Variants in GRID1 observed in about 807,000 individuals in gnomAD.
GRID1 encodes glutamate ionotropic receptor delta type subunit 1.
A neutral mutation model predicts 98.0 loss-of-function variants in GRID1; 28 were observed. That is an observed-to-expected ratio of 0.29 (90% CI 0.21 to 0.39). The LOEUF (loss-of-function observed/expected upper bound fraction) is 0.39, where lower values mean the gene tolerates loss of function less well. Among genes scored for constraint, GRID1 ranks in the 10% least tolerant of loss-of-function variants. The pLI is 1.00. For synonymous variants in GRID1, 553 were observed against 538.5 expected, an observed-to-expected ratio of 1.03 and a Z score of -0.37; for missense variants, 1,111 against 1,340.5, an observed-to-expected ratio of 0.83 and a Z score of 2.67.
chr10:85,881,967 A>G (rs1467681105), intron 5 of GRID1, among the ~76,000 whole-genome samples: 1 of 152,254 alleles, frequency 6.6e-6, no homozygotes, highest in African/African-American at 2.4e-5. Context: ...GGCAAAGGAT[A>G]TGAACAGACA....
At chr10:85,926,608 T>G (rs1266300817) in intron 4 of GRID1, among the ~76,000 whole-genome samples, 1 of 152,132 alleles carries the variant, frequency 6.6e-6, no homozygotes, top group African/African-American at 2.4e-5. Context: ...ATGCCTGCTC[T>G]TAGTCCTCAG....
chr10:85,883,676 G>A (rs939049922), intron 5 of GRID1, among the ~76,000 whole-genome samples: 2 of 151,946 alleles, frequency 1.3e-5, no homozygotes, highest in South Asian at 2.1e-4. Flanking sequence ...TATTTATGCT[G>A]ACTTCAAATA....
intron 4 of GRID1, among the ~76,000 whole-genome samples, chr10:86,073,093 T>TA (rs780812261): frequency 2.0e-5 from 3 of 152,192 alleles, no homozygotes; most frequent in African/African-American, 4.8e-5. Context: ...TGTTAGTAAT[T>TA]AAAAAATCTT....
chr10:86,248,775 G>A (rs977546353), intron 2 of GRID1, among the ~76,000 whole-genome samples: 1 of 152,084 alleles, frequency 6.6e-6, no homozygotes, highest in Non-Finnish European at 1.5e-5. Context: ...GTCTCACTAT[G>A]TTGCTCAGGG....
chr10:85,810,421 G>A (rs568152635), intron 8 of GRID1, among the ~76,000 whole-genome samples: 1 of 152,294 alleles, frequency 6.6e-6, no homozygotes, highest in South Asian at 2.1e-4. Flanking sequence ...AAACAGTCCA[G>A]CAGACCTGAC....
intron 12 of GRID1, among the ~76,000 whole-genome samples, chr10:85,706,697 C>T (rs1402820654): frequency 6.6e-6 from 1 of 152,152 alleles, no homozygotes; most frequent in Non-Finnish European, 1.5e-5. Flanking sequence ...CATCATGCTA[C>T]CTGACTTCAA....
At chr10:85,686,780 C>G (rs1326873192) in intron 12 of GRID1, among the ~76,000 whole-genome samples, 4 of 151,692 alleles carry the variant, frequency 2.6e-5, no homozygotes, top group Non-Finnish European at 1.5e-5. Context: ...TGTTATATTA[C>G]TTTTAATTTT....
At chr10:86,040,659 T>A (rs183141229) in intron 4 of GRID1, among the ~76,000 whole-genome samples, 1 of 152,212 alleles carries the variant, frequency 6.6e-6, no homozygotes, top group East Asian at 1.9e-4. Context: ...ATAGGAGGAA[T>A]AAATTCTTCT....
chr10:86,063,158 T>C (rs567931878), intron 4 of GRID1, among the ~76,000 whole-genome samples: 3 of 152,338 alleles, frequency 2.0e-5, no homozygotes, highest in East Asian at 1.9e-4. Context: ...GCAGGACAAC[T>C]GAGGCAACTG....
At chr10:86,281,703 T>C (rs922161178) in intron 2 of GRID1, among the ~76,000 whole-genome samples, 2 of 152,092 alleles carry the variant, frequency 1.3e-5, no homozygotes, top group African/African-American at 4.8e-5. Context: ...AGGCCTTCAT[T>C]GGGCATCAGG....
chr10:85,858,014 C>G (rs1399857902), intron 6 of GRID1, among the ~76,000 whole-genome samples: 1 of 152,254 alleles, frequency 6.6e-6, no homozygotes, highest in Non-Finnish European at 1.5e-5. Context: ...CAAGGCATCA[C>G]AAACATCTGC....
intron 8 of GRID1, among the ~76,000 whole-genome samples, chr10:85,802,854 C>CACACACAA (rs1842589841): frequency 6.7e-6 from 1 of 149,454 alleles, no homozygotes; most frequent in African/African-American, 2.5e-5. Context: ...CACACACACA[C>CACACACAA]ACACACACAC....
At chr10:86,007,534 G>A (rs567145082) in intron 4 of GRID1, among the ~76,000 whole-genome samples, 35 of 152,340 alleles carry the variant, frequency 2.3e-4, no homozygotes, top group African/African-American at 8.2e-4. Context: ...TACTGCACAT[G>A]TGCCAAAGCG....
intron 8 of GRID1, among the ~76,000 whole-genome samples, chr10:85,845,463 G>A (rs1169621729): frequency 6.6e-6 from 1 of 152,114 alleles, no homozygotes; most frequent in Admixed American, 6.5e-5. Context: ...CTCAATATTG[G>A]TAAGACATTA....
At chr10:85,720,481 T>G (rs1243597093) in intron 12 of GRID1, among the ~76,000 whole-genome samples, 1 of 152,096 alleles carries the variant, frequency 6.6e-6, no homozygotes, top group African/African-American at 2.4e-5. Flanking sequence ...GACAATCACA[T>G]ATAACAATGG....
intron 4 of GRID1, among the ~76,000 whole-genome samples, chr10:86,136,737 C>T (rs1355878551): frequency 1.3e-5 from 2 of 152,186 alleles, no homozygotes; most frequent in Non-Finnish European, 2.9e-5. Context: ...AGTCCAAATG[C>T]CATCGTTCCC....
chr10:85,619,857 C>T lies in GRID1; in HGVS notation c.2360+10G>A. 1 of 1,612,520 alleles carries T rather than the reference C, an allele frequency of 6.2e-7. No individual in the cohort carries two copies. ...GAGGCAGCGGTAGTTACCTTGCTGC[C>T]CAAGCCTACCTCTGGGAGAAGAGGT... On this transcript the variant is annotated intron_variant, in intron 14 of 15. Transcript: ENST00000327946.
In GRID1 at chr10:86,364,116, A is replaced by G. The variant is rs754009580; in HGVS notation, c.80-20T>C. The G allele has an allele frequency of 3.7e-6, 6 of 1,610,488 alleles. No individual in the cohort carries two copies. In the East Asian group the frequency reaches 1.3e-4, roughly 36 times the overall value. Reference sequence around the variant, plus strand: ...TGGCACCTGGAGGAGAGAAGGGATCAAGACCGGACCTGGACAAGAACCCTC... The same window carrying G: ...TGGCACCTGGAGGAGAGAAGGGATCGAGACCGGACCTGGACAAGAACCCTC... On this transcript the variant is annotated intron_variant, in intron 1 of 15. Coordinates refer to ENST00000327946, the MANE Select transcript of GRID1 (RefSeq NM_017551.3).
chr10:85,692,299 C>A (rs535997316), intron 12 of GRID1, among the ~76,000 whole-genome samples: 3 of 152,178 alleles, frequency 2.0e-5, no homozygotes, highest in African/African-American at 7.2e-5. Flanking sequence ...TCAGTGAAGG[C>A]ACAGTTTAAT....
Sources: allele counts gnomAD v4.1 joint callset (sites outside exome capture counted in the v4.1 genomes callset), GRCh38; gene constraint gnomAD v4.1.1; transcripts MANE v1.5; gene names NCBI Gene and HGNC (gene_info 2026-07-23, HGNC 2026-07-21).